Variants in TAF1A observed in about 807,000 individuals in gnomAD.
TAF1A encodes the protein TATA box-binding protein-associated factor RNA polymerase I subunit A.
A neutral mutation model predicts 61.6 loss-of-function variants in TAF1A; 42 were observed. That is an observed-to-expected ratio of 0.68 (90% CI 0.53 to 0.88). The LOEUF (loss-of-function observed/expected upper bound fraction) is 0.88, where lower values mean the gene tolerates loss of function less well. Among genes scored for constraint, TAF1A ranks in the 40% least tolerant of loss-of-function variants. TAF1A has a pLI of 0.00. For missense variants in TAF1A, 424 were observed against 518.7 expected, an observed-to-expected ratio of 0.82 and a Z score of 1.77; for synonymous variants, 179 against 177.7, an observed-to-expected ratio of 1.01 and a Z score of -0.06.
At chr1:222,561,820 A>T (rs924235396) in intron 9 of TAF1A, among the ~76,000 whole-genome samples, 1 of 152,184 alleles carries the variant, frequency 6.6e-6, no homozygotes, top group Admixed American at 6.5e-5. Context: ...TCTACTATGT[A>T]TGTGATCCTG....
Position 222,588,302 on chromosome 1 carries a change from G to T in TAF1A, c.121+141C>A, listed in dbSNP as rs577600653. 80 of 989,138 alleles carry T rather than the reference G, an allele frequency of 8.1e-5. No homozygotes were observed. In the East Asian group the frequency reaches 1.7e-3, roughly 20 times the overall value. 61.3% of individuals were successfully genotyped at this position (989,138 alleles called of 1,614,324 possible). A position where few individuals can be genotyped will look rare whatever the true frequency, so the allele number is the denominator to read the frequency against. On this transcript the variant is annotated intron_variant, in intron 2 of 10. Transcript: ENST00000352967. The stretch of plus-strand genomic sequence containing the variant: ...GGGCAAAGAATTCTAAAAGAAAAAA[G>T]ATTTCTTTTGGCTTTTAGCCAAAAA...
intron 5 of TAF1A, among the ~76,000 whole-genome samples, chr1:222,575,348 C>G (rs1660524956): frequency 6.6e-6 from 1 of 151,796 alleles, no homozygotes; most frequent in Non-Finnish European, 1.5e-5. Flanking sequence ...CAGTAAGACC[C>G]CATCTTCACA....
rs769199379 is a variant in TAF1A, at chr1:222,579,769, T to C, written c.395A>G (p.Asn132Ser). The change falls in exon 4 of 11, where the codon AAT (asparagine) becomes AGT (serine). Residue 132 changes from asparagine to serine, a missense_variant. Asn to Ser is a conservative substitution (Grantham distance 46). Transcript: ENST00000352967. ...AGCCCATATTCTCACCTTTAAATAA[T>C]TCATGACGCCAATATTTTTCATCCG... ...ANRMKNIGVM[N>S]YLKISLQHAL... 2 of 1,609,562 alleles carry C rather than the reference T, an allele frequency of 1.2e-6. No individual in the cohort carries two copies. The highest frequency in any genetic ancestry group is 1.7e-6 in the Non-Finnish European group (2 of 1,178,828).
intron 5 of TAF1A, among the ~76,000 whole-genome samples, chr1:222,572,638 G>A (rs1041728528): frequency 6.6e-6 from 1 of 152,206 alleles, no homozygotes; most frequent in African/African-American, 2.4e-5. Context: ...AGGATTACAG[G>A]CATGGCCACT....
chr1:222,562,406 T>C (rs138129710), intron 9 of TAF1A, among the ~76,000 whole-genome samples: 69 of 152,320 alleles, frequency 4.5e-4, no homozygotes, highest in East Asian at 3.7e-3. Context: ...TATGATCTAG[T>C]AGAAGTTTAT....
At chr1:222,555,910 C>T (rs939482895), downstream of TAF1A, among the ~76,000 whole-genome samples, 4 of 152,046 alleles carry the variant, frequency 2.6e-5, no homozygotes, top group African/African-American at 4.8e-5. Flanking sequence ...TTAAAATAGT[C>T]GTGACGAATG....
In TAF1A at chr1:222,584,023, T is replaced by C. The variant is rs1012174622; in HGVS notation, c.291+105A>G. ...CCACTCAAAAGTAGTTTTAGTAGCT[T>C]TTAGCAAAATCACTGAGATTCTGTA... is the stretch of plus-strand genomic sequence containing the variant. On this transcript the variant is annotated intron_variant, in intron 3 of 10. Coordinates refer to ENST00000352967, the MANE Select transcript of TAF1A (RefSeq NM_005681.4). 2.2e-6 allele frequency: 3 copies of C among 1,390,908 alleles called. No individual in the cohort carries two copies. The Admixed American group carries it at 7.1e-5, about 33-fold the overall frequency. The allele number at this position is 1,390,908 out of a possible 1,614,324, so 86.2% of individuals were successfully genotyped here.
Position 222,589,739 on chromosome 1 carries a change from A to G in TAF1A, c.-15T>C. On this transcript the variant is annotated 5_prime_UTR_variant, in exon 1 of 11. Transcript: ENST00000352967. ...CTGCGGCACTTACCCGCCTAAATTT[A>G]GAGCTCCTCAGTAAAGCTAAACTCA... 1 of 260,730 alleles carries G rather than the reference A, an allele frequency of 3.8e-6. No individual in the cohort carries two copies. The highest frequency in any genetic ancestry group is 7.2e-6 in the Non-Finnish European group (1 of 139,024). 16.2% of individuals were successfully genotyped at this position (260,730 alleles called of 1,614,324 possible). A position where few individuals can be genotyped will look rare whatever the true frequency, so the allele number is the denominator to read the frequency against.
chr1:222,581,863 T>C lies in TAF1A; in HGVS notation c.292-1991A>G, dbSNP rs187732118. Among the ~76,000 whole-genome samples the C allele has an allele frequency of 1.2e-3, 176 of 152,268 alleles. 1 individual carries two copies. The highest frequency in any genetic ancestry group is 7.3e-3 in the South Asian group (35 of 4,822). ...GAAAAAACAAGCAGGATAATACAGG[T>C]TGAGTATCCCTTATCTGAAATCGTT... is the stretch of plus-strand genomic sequence containing the variant. On this transcript the variant is annotated intron_variant, in intron 3 of 10. Coordinates refer to ENST00000352967, the MANE Select transcript of TAF1A (RefSeq NM_005681.4).
intron 7 of TAF1A, among the ~76,000 whole-genome samples, chr1:222,567,129 C>T (rs77221010): frequency 0.024 from 3,643 of 152,138 alleles, 129 homozygotes; most frequent in African/African-American, 0.083. Flanking sequence ...TAAAAATGGC[C>T]GTTCTGATAT....
At chr1:222,575,824 C>T (rs1660551372) in intron 5 of TAF1A, among the ~76,000 whole-genome samples, 1 of 152,190 alleles carries the variant, frequency 6.6e-6, no homozygotes, top group South Asian at 2.1e-4. Flanking sequence ...CGGAAAGGTA[C>T]TGAACCATCT....
At chr1:222,572,131 A>T (rs2102654870) in intron 5 of TAF1A, among the ~76,000 whole-genome samples, 1 of 151,912 alleles carries the variant, frequency 6.6e-6, no homozygotes, top group South Asian at 2.1e-4. Context: ...AGGCACAGGA[A>T]TCGCTTGAAC....
chr1:222,557,930 C>G (rs1213039810), downstream of TAF1A: 1 of 147,412 alleles, frequency 6.8e-6, no homozygotes, highest in Non-Finnish European at 1.5e-5. Flanking sequence ...GTCGCCCAGG[C>G]AGGAGTACGG....
Position 222,582,316 on chromosome 1 carries a change from G to A in TAF1A, c.291+1812C>T, listed in dbSNP as rs1212856223. ...CTATTACAGTGTTTTCAGCAGAGGA[G>A]TGACATGATCTGATATGTTTTAAAA... On this transcript the variant is annotated intron_variant, in intron 3 of 10. Transcript: ENST00000352967. 3.3e-5 allele frequency among the ~76,000 whole-genome samples: 5 copies of A among 152,300 alleles called. No homozygotes were observed. The South Asian group carries it at 6.2e-4, about 19-fold the overall frequency.
At chr1:222,585,380 T>C (rs1327606024) in intron 2 of TAF1A, among the ~76,000 whole-genome samples, 1 of 152,086 alleles carries the variant, frequency 6.6e-6, no homozygotes, top group Non-Finnish European at 1.5e-5. Flanking sequence ...TGCTAAATGT[T>C]TTCTCATTCT....
intron 3 of TAF1A, among the ~76,000 whole-genome samples, chr1:222,581,520 T>C (rs143274176): frequency 6.6e-6 from 1 of 152,316 alleles, no homozygotes; most frequent in African/African-American, 2.4e-5. Flanking sequence ...AACCCTGCCC[T>C]GTGAAATTTA....
At chr1:222,573,485 C>T (rs188542388) in intron 5 of TAF1A, among the ~76,000 whole-genome samples, 2 of 152,068 alleles carry the variant, frequency 1.3e-5, no homozygotes, top group Admixed American at 6.5e-5. Context: ...ACAAATGGCC[C>T]ATAAGCACAT....
downstream of TAF1A, among the ~76,000 whole-genome samples, chr1:222,556,319 G>C (rs540496183): frequency 6.6e-6 from 1 of 152,214 alleles, no homozygotes; most frequent in East Asian, 1.9e-4. Flanking sequence ...GAGCAGACCT[G>C]GGTTCTTTTT....
intron 1 of TAF1A, 57 bp from the exon 2 acceptor site, chr1:222,588,622 A>C (rs1661123351): frequency 1.9e-6 from 3 of 1,550,926 alleles, no homozygotes; most frequent in Non-Finnish European, 1.7e-6. Flanking sequence ...CAGTCTTCTG[A>C]GTTGTACAGA....
Sources: allele counts gnomAD v4.1 joint callset (sites outside exome capture counted in the v4.1 genomes callset), GRCh38; gene constraint gnomAD v4.1.1; transcripts MANE v1.5; gene names NCBI Gene and HGNC (gene_info 2026-07-23, HGNC 2026-07-21).